The following CCDC66 variants were observed in gnomAD, a reference collection of about 807,000 sequenced individuals.
CCDC66 encodes the protein coiled-coil domain containing 66.
Under a neutral mutation model 128.3 loss-of-function variants are expected in CCDC66, and 133 were observed. That is an observed-to-expected ratio of 1.04 (90% CI 0.90 to 1.20). The LOEUF (loss-of-function observed/expected upper bound fraction) is 1.20, where lower values mean the gene tolerates loss of function less well. Among genes scored for constraint, CCDC66 ranks in the 50% most tolerant of loss-of-function variants. The pLI is 0.00. For synonymous variants in CCDC66, 387 were observed against 357.0 expected (o/e 1.08, Z -0.95); for missense variants, 1,126 against 1,075.5 (o/e 1.05, Z -0.66).
intron 3 of CCDC66, chr3:56,560,991 C>G (rs1032285535): frequency 6.6e-6 from 3 of 451,854 alleles, no homozygotes; most frequent in African/African-American, 2.0e-5. Flanking sequence ...CTGGAGTACC[C>G]GAAATATCAC....
rs539424148 is a variant in CCDC66, at chr3:56,566,384, C to G, written c.545-210C>G. ...AAGCAATCTGCCCACGTCAGCCTTCCAAAGTTCTGGGACTACAGGTGTGAG... is the reference window on the plus strand; with the variant it reads ...AAGCAATCTGCCCACGTCAGCCTTCGAAAGTTCTGGGACTACAGGTGTGAG... On this transcript the variant is annotated intron_variant, in intron 4 of 17. Transcript: ENST00000394672. Among the ~76,000 whole-genome samples, 28 of 152,272 alleles carry G rather than the reference C, an allele frequency of 1.8e-4. No individual in the cohort carries two copies. In the South Asian group the frequency reaches 1.9e-3, roughly 10 times the overall value.
chr3:56,592,849 C>G (rs757308177), intron 7 of CCDC66, 121 bp from the exon 8 acceptor site: 3 of 927,494 alleles, frequency 3.2e-6, no homozygotes, highest in Non-Finnish European at 5.0e-6. Flanking sequence ...AGTTATTGCT[C>G]CTCTTACAGA....
chr3:56,562,025 T>G (rs577869389), intron 3 of CCDC66, among the ~76,000 whole-genome samples: 1 of 152,130 alleles, frequency 6.6e-6, no homozygotes, highest in East Asian at 1.9e-4. Flanking sequence ...TATCAAAATC[T>G]GTGCATTTTT....
At chr3:56,568,898 G>A (rs547187869) in intron 6 of CCDC66, among the ~76,000 whole-genome samples, 38 of 152,288 alleles carry the variant, frequency 2.5e-4, no homozygotes, top group East Asian at 5.8e-4. Flanking sequence ...TGGAGTCTGC[G>A]TATCACAATC....
intron 10 of CCDC66, among the ~76,000 whole-genome samples, chr3:56,604,305 T>C (rs1364839817): frequency 6.6e-6 from 1 of 152,044 alleles, no homozygotes; most frequent in Non-Finnish European, 1.5e-5. Flanking sequence ...ATGTGTGAAT[T>C]TGATCCTGTC....
intron 12 of CCDC66, 158 bp downstream of exon 12, chr3:56,615,430 C>A: frequency 1.5e-6 from 1 of 689,240 alleles, no homozygotes; most frequent in Non-Finnish European, 2.3e-6. Context: ...TTTTTGTAGA[C>A]ATGGAATCTC....
intron 12 of CCDC66, 107 bp from the exon 13 acceptor site, chr3:56,615,815 A>C: frequency 2.3e-6 from 2 of 885,620 alleles, no homozygotes; most frequent in South Asian, 3.7e-5. Flanking sequence ...TTTTTATTGC[A>C]GTGTTCATTC....
intron 15 of CCDC66, 184 bp from the exon 16 acceptor site, chr3:56,619,087 G>A (rs951119889): frequency 4.9e-5 from 26 of 526,362 alleles, no homozygotes; most frequent in South Asian, 2.4e-4. Flanking sequence ...GCACTGTGGC[G>A]TGCGCCTGTA....
chr3:56,587,776 G>A (rs938281207), intron 7 of CCDC66, among the ~76,000 whole-genome samples: 2 of 152,194 alleles, frequency 1.3e-5, no homozygotes, highest in African/African-American at 2.4e-5. Flanking sequence ...GGCTGAGGCA[G>A]GAGAATTGCT....
intron 17 of CCDC66, chr3:56,621,016 T>TAGTTAGTTAGCC (rs559865439): frequency 1.3e-5 from 2 of 152,036 alleles, no homozygotes; most frequent in African/African-American, 4.8e-5. Context: ...GTTAGTTAGT[T>TAGTTAGTTAGCC]AGCCAGGCGT....
At chr3:56,619,199 T>G (rs1286438913) in intron 15 of CCDC66, 72 bp from the exon 16 acceptor site, 1 of 1,248,998 alleles carries the variant, frequency 8.0e-7, no homozygotes, top group Non-Finnish European at 1.1e-6. Flanking sequence ...ATCTCATAAA[T>G]AAAGTGAAAT....
chr3:56,616,135 A>G (rs947695906), intron 13 of CCDC66, 82 bp downstream of exon 13: 164 of 1,333,592 alleles, frequency 1.2e-4, no homozygotes, highest in Non-Finnish European at 1.6e-4. Context: ...TCAATTTAAA[A>G]GTTCAAAAAT....
Position 56,594,027 on chromosome 3 carries a change from A to G in CCDC66, c.1403A>G (p.Gln468Arg), listed in dbSNP as rs139806311. The change falls in exon 10 of 18, where the codon CAG (glutamine) becomes CGG (arginine). Residue 468 changes from glutamine to arginine, a missense_variant and splice_region_variant. Transcript: ENST00000394672. ...DRRRQKQLEH[Q>R]KAITAQVEEK... ...CGACGACAAAAACAATTAGAGCATC[A>G]GGTATTGCATTGTTAAACATTGTTC... 5.2e-3 allele frequency: 8,435 copies of G among 1,612,390 alleles called. 426 individuals carry two copies. In the Admixed American group the frequency reaches 0.098, roughly 19 times the overall value.
At chr3:56,563,186 C>T (rs888815289) in intron 3 of CCDC66, among the ~76,000 whole-genome samples, 3 of 151,444 alleles carry the variant, frequency 2.0e-5, no homozygotes, top group Admixed American at 1.3e-4. Flanking sequence ...CATGGTGAAA[C>T]CCCGTCCCTA....
chr3:56,573,256 A>G (rs2066882274), intron 7 of CCDC66, among the ~76,000 whole-genome samples: 1 of 152,200 alleles, frequency 6.6e-6, no homozygotes, highest in African/African-American at 2.4e-5. Context: ...AATATTTTGT[A>G]TATATTTTTT....
chr3:56,578,072 G>C (rs1484016368), intron 7 of CCDC66, among the ~76,000 whole-genome samples: 1 of 151,766 alleles, frequency 6.6e-6, no homozygotes, highest in African/African-American at 2.4e-5. Context: ...TTTTCCATTT[G>C]TTTGTGTCCT....
In CCDC66 at chr3:56,618,303, A is replaced by G. The variant is rs1578069266; in HGVS notation, c.2378+91A>G. 7.2e-6 allele frequency: 8 copies of G among 1,116,486 alleles called. No homozygotes were observed. The East Asian group carries it at 9.4e-5, about 13-fold the overall frequency. The allele number at this position is 1,116,486 out of a possible 1,614,324, so 69.2% of individuals were successfully genotyped here. ...CAAGATCTGGACAGCATCATATGGT[A>G]TATGTAGAGAACAATCAGAAAGGGT... On this transcript the variant is annotated intron_variant, in intron 15 of 17. Coordinates refer to ENST00000394672, the MANE Select transcript of CCDC66 (RefSeq NM_001141947.3).
intron 7 of CCDC66, among the ~76,000 whole-genome samples, chr3:56,583,216 A>C (rs1039851464): frequency 6.6e-6 from 1 of 151,906 alleles, no homozygotes; most frequent in Non-Finnish European, 1.5e-5. Flanking sequence ...ATGCAAAAAA[A>C]ACATAAAGGA....
intron 7 of CCDC66, among the ~76,000 whole-genome samples, chr3:56,577,528 A>G (rs1031952669): frequency 1.3e-5 from 2 of 151,766 alleles, no homozygotes; most frequent in Non-Finnish European, 2.9e-5. Flanking sequence ...GTTTACTTCT[A>G]GGGTTTTTAT....
Sources: allele counts gnomAD v4.1 joint callset (sites outside exome capture counted in the v4.1 genomes callset), GRCh38; gene constraint gnomAD v4.1.1; transcripts MANE v1.5; gene names NCBI Gene and HGNC (gene_info 2026-07-23, HGNC 2026-07-21).